Variants in SEMA6A observed in about 807,000 individuals in gnomAD.
The protein encoded by SEMA6A is semaphorin-6A.
SEMA6A carries 25 observed loss-of-function variants against 96.8 expected under a neutral mutation model. That is an observed-to-expected ratio of 0.26 (90% confidence interval 0.19 to 0.36). The LOEUF is 0.36. SEMA6A is among the 10% of genes least tolerant of loss of function. The probability of loss-of-function intolerance (pLI) is 1.00; values close to 1 mark genes in which losing one functional copy is unlikely to be tolerated. For synonymous variants in SEMA6A, 612 were observed against 518.0 expected (o/e 1.18, Z -2.46); for missense variants, 1,363 against 1,323.1 (o/e 1.03, Z -0.47).
chr5:116,458,602 T>C (rs997355727), intron 18 of SEMA6A, among the ~76,000 whole-genome samples: 1 of 152,166 alleles, frequency 6.6e-6, no homozygotes, highest in East Asian at 1.9e-4. Context: ...CTTCATTTTT[T>C]GAGAAAATGA....
chr5:116,457,197 T>G (rs920671466), intron 18 of SEMA6A, among the ~76,000 whole-genome samples: 2 of 152,322 alleles, frequency 1.3e-5, no homozygotes, highest in Non-Finnish European at 2.9e-5. Flanking sequence ...CCATCAGCAC[T>G]TAGGGTATAT....
chr5:116,469,841 G>A (rs1218967979), intron 17 of SEMA6A, among the ~76,000 whole-genome samples: 1 of 152,190 alleles, frequency 6.6e-6, no homozygotes, highest in Non-Finnish European at 1.5e-5. Context: ...GCTATGAGAG[G>A]AAATTAATGT....
intron 10 of SEMA6A, among the ~76,000 whole-genome samples, chr5:116,482,868 C>A (rs894912365): frequency 6.6e-6 from 1 of 152,170 alleles, no homozygotes; most frequent in Non-Finnish European, 1.5e-5. Flanking sequence ...AATTGTTGAG[C>A]TAGTGATAGA....
At chr5:116,488,819 A>C in intron 8 of SEMA6A, 69 bp downstream of exon 8, 1 of 1,462,698 alleles carries the variant, frequency 6.8e-7, no homozygotes, top group East Asian at 2.5e-5. Context: ...GTCCCTCCAG[A>C]CTCTAAATCT....
chr5:116,482,363 G>A (rs1756825343), intron 11 of SEMA6A, 81 bp downstream of exon 11: 3 of 1,473,970 alleles, frequency 2.0e-6, no homozygotes, highest in Admixed American at 4.0e-5. Flanking sequence ...CTGGTGCGCA[G>A]TTCATAGGAT....
At chr5:116,494,113 GTTTTATC>G (rs1757463223) in intron 6 of SEMA6A, among the ~76,000 whole-genome samples, 1 of 152,068 alleles carries the variant, frequency 6.6e-6, no homozygotes, top group Admixed American at 6.5e-5. Context: ...TACCGGTTTG[GTTTTATC>G]TATTCTCTTC....
intron 18 of SEMA6A, among the ~76,000 whole-genome samples, chr5:116,465,267 C>T (rs28029): frequency 0.47 from 70,858 of 152,054 alleles, 17,434 homozygotes; most frequent in Non-Finnish European, 0.55. Flanking sequence ...AACGGAGTAA[C>T]GCCATCACTA....
At chr5:116,479,607 T>C (rs1258353546) in intron 12 of SEMA6A, among the ~76,000 whole-genome samples, 1 of 152,200 alleles carries the variant, frequency 6.6e-6, no homozygotes, top group African/African-American at 2.4e-5. Context: ...AGTTTTTTAA[T>C]ACTACCACAG....
At chr5:116,520,255 CT>C (rs60534452) in intron 1 of SEMA6A, among the ~76,000 whole-genome samples, 12,321 of 135,236 alleles carry the variant, frequency 0.091, 660 homozygotes, top group African/African-American at 0.17. Context: ...CAGCCTGATG[CT>C]TTTTTTTTTT....
At chr5:116,454,692 G>A (rs1353660446) in intron 18 of SEMA6A, among the ~76,000 whole-genome samples, 2 of 152,106 alleles carry the variant, frequency 1.3e-5, no homozygotes, top group East Asian at 1.9e-4. Context: ...CTTGTCTTAC[G>A]GCATAATGTG....
intron 1 of SEMA6A, chr5:116,550,291 T>A (rs1382305068): frequency 6.6e-6 from 1 of 152,208 alleles, no homozygotes; most frequent in Non-Finnish European, 1.5e-5. Flanking sequence ...CAGCAATATC[T>A]AGTTTATTTT....
chr5:116,498,829 T>C (rs1757737199), intron 3 of SEMA6A: 1 of 152,244 alleles, frequency 6.6e-6, no homozygotes, highest in African/African-American at 2.4e-5. Context: ...AGGCTTTTCC[T>C]TGCCTGCCTC....
intron 7 of SEMA6A, among the ~76,000 whole-genome samples, chr5:116,490,056 G>C (rs1757258672): frequency 6.6e-6 from 1 of 151,870 alleles, no homozygotes; most frequent in South Asian, 2.1e-4. Context: ...TGTTTTGTTT[G>C]TTTTAAAAAA....
intron 1 of SEMA6A, among the ~76,000 whole-genome samples, chr5:116,541,045 A>G (rs1759940463): frequency 6.6e-6 from 1 of 152,220 alleles, no homozygotes; most frequent in Admixed American, 6.5e-5. Flanking sequence ...CGCACTTGAT[A>G]CTATTTGGAA....
At chr5:116,503,513 CCTT>C (rs1757992859) in intron 2 of SEMA6A, among the ~76,000 whole-genome samples, 1 of 62,516 alleles carries the variant, frequency 1.6e-5, no homozygotes, top group Admixed American at 2.1e-4. Flanking sequence ...GGCTGGAGTC[CCTT>C]CTTTTTTTTT....
Position 116,491,731 on chromosome 5 carries a change from G to T in SEMA6A, c.535+9C>A, listed in dbSNP as rs1470082074. The T allele has an allele frequency of 1.9e-6, 3 of 1,610,994 alleles. No homozygotes were observed. The highest frequency in any genetic ancestry group is 1.7e-6 in the Non-Finnish European group (2 of 1,177,412). ...AGCAAGTGCAACGAGGAGAAATCAG[G>T]TCGCTTACCTGCAAACAGTGCAACG... On this transcript the variant is annotated intron_variant, in intron 7 of 18. Coordinates refer to ENST00000343348, the MANE Select transcript of SEMA6A (RefSeq NM_020796.5).
In SEMA6A at chr5:116,447,410, G is replaced by C; in HGVS notation, c.2296C>G (p.Gln766Glu). The C allele has an allele frequency of 6.2e-7, 1 of 1,614,062 alleles. No homozygotes were observed. The highest frequency in any genetic ancestry group is 8.5e-7 in the Non-Finnish European group (1 of 1,179,904). ...PTPESTPTLQ[Q>E]KRKPSRGSRE... ...CTGCCGCGGCTGGGCTTCCGCTTCTGCTGCAGCGTTGGGGTTGACTCTGGG... is the reference window on the plus strand; with the variant it reads ...CTGCCGCGGCTGGGCTTCCGCTTCTCCTGCAGCGTTGGGGTTGACTCTGGG... Residue 766 changes from glutamine to glutamate, a missense_variant, in exon 19 of 19, where the codon CAG (glutamine) becomes GAG (glutamate). This residue lies in a region of SEMA6A where 883 missense variants were observed against 763.6 expected (regional missense o/e 1.16). Transcript: ENST00000343348.
At chr5:116,525,672 A>C (rs1448891523) in intron 1 of SEMA6A, among the ~76,000 whole-genome samples, 2 of 152,128 alleles carry the variant, frequency 1.3e-5, no homozygotes, top group Admixed American at 1.3e-4. Context: ...ATTTTGTGGA[A>C]ACTTAAATTA....
intron 15 of SEMA6A, among the ~76,000 whole-genome samples, chr5:116,476,906 A>T (rs1756478878): frequency 5.9e-5 from 9 of 152,242 alleles, no homozygotes. Flanking sequence ...TATAGTTATC[A>T]TCAGCTCTGT....
Sources: allele counts gnomAD v4.1 joint callset (sites outside exome capture counted in the v4.1 genomes callset), GRCh38; gene constraint gnomAD v4.1.1; regional missense constraint gnomAD v4.1.1; transcripts MANE v1.5; gene names NCBI Gene and HGNC (gene_info 2026-07-23, HGNC 2026-07-21).